RBSN: variants seen among roughly 807,000 people sequenced by gnomAD.
RBSN encodes the protein rabenosyn, RAB effector, also known as rabenosyn-5.
In RBSN, 34 loss-of-function variants were observed where a neutral mutation model predicts 60.5. That is an observed-to-expected ratio of 0.56 (90% confidence interval 0.43 to 0.75). The LOEUF is 0.75. Ranked by LOEUF, RBSN falls within the 30% of genes least tolerant of loss-of-function variation. RBSN has a pLI of 0.00. For synonymous variants in RBSN, 322 were observed against 366.9 expected (o/e 0.88, Z 1.40); for missense variants, 845 against 986.8 (o/e 0.86, Z 1.92).
At chr3:15,094,976 A>C (rs2043612605) in intron 4 of RBSN, among the ~76,000 whole-genome samples, 1 of 152,168 alleles carries the variant, frequency 6.6e-6, no homozygotes, top group Admixed American at 6.6e-5. Flanking sequence ...TTAGCTGAAT[A>C]ACTACAAAAT....
At chr3:15,088,316 A>G (rs1162493208) in intron 5 of RBSN, among the ~76,000 whole-genome samples, 1 of 152,042 alleles carries the variant, frequency 6.6e-6, no homozygotes, top group Admixed American at 6.6e-5. Flanking sequence ...TGTGTCCAAA[A>G]TTTCTCCTTC....
chr3:15,095,718 G>A, intron 4 of RBSN: 1 of 559,140 alleles, frequency 1.8e-6, no homozygotes, highest in East Asian at 3.0e-5. Context: ...GTTTCTCTGA[G>A]TGGCTTCAGA....
intron 12 of RBSN, 118 bp from the exon 13 acceptor site, chr3:15,075,828 T>G (rs992847835): frequency 1.2e-5 from 9 of 770,672 alleles, no homozygotes. Context: ...AGTGACATCA[T>G]TTGACAGCAG....
chr3:15,089,479 A>AAAAC (rs761290712), intron 5 of RBSN, among the ~76,000 whole-genome samples: 22,777 of 103,756 alleles, frequency 0.22, 1,930 homozygotes, highest in African/African-American at 0.3. Flanking sequence ...AAAAAAAAAC[A>AAAAC]AAAAAAAAAA....
chr3:15,080,643 A>C, intron 10 of RBSN, 89 bp downstream of exon 10: 1 of 1,335,472 alleles, frequency 7.5e-7, no homozygotes, highest in Non-Finnish European at 1.1e-6. Context: ...GTTGAAGTTA[A>C]GATTTTCATT....
chr3:15,097,039 T>G (rs1352928949), intron 2 of RBSN, among the ~76,000 whole-genome samples: 1 of 152,056 alleles, frequency 6.6e-6, no homozygotes, highest in Non-Finnish European at 1.5e-5. Context: ...TTTAAATTAT[T>G]TATAGAGACA....
At chr3:15,076,315 T>C (rs1300111794) in intron 12 of RBSN, among the ~76,000 whole-genome samples, 1 of 152,146 alleles carries the variant, frequency 6.6e-6, no homozygotes, top group African/African-American at 2.4e-5. Flanking sequence ...TAGATCTCTT[T>C]GTTGGCTGGG....
intron 10 of RBSN, among the ~76,000 whole-genome samples, chr3:15,079,474 A>C (rs2043147798): frequency 2.0e-5 from 3 of 152,238 alleles, no homozygotes; most frequent in Admixed American, 6.5e-5. Context: ...TACACAAAAA[A>C]CATAAAAACT....
At position 15,071,110 on chromosome 3, in the gene RBSN, C is replaced by G. The variant is rs2042917823; in HGVS notation, c.*2672G>C. On this transcript the variant is annotated 3_prime_UTR_variant, in exon 14 of 14. Coordinates refer to ENST00000253699, the MANE Select transcript of RBSN (RefSeq NM_022340.4). ...AAGTGCTGGGATTACAGGAGTGAGC[C>G]ACTGCACCCGGCCAGGCCTTTAAAA... 1 of 152,192 alleles carries G rather than the reference C, an allele frequency of 6.6e-6. No homozygotes were observed. 9.4% of individuals were successfully genotyped at this position (152,192 alleles called of 1,614,324 possible).
chr3:15,081,064 A>T, intron 9 of RBSN: 1 of 416,734 alleles, frequency 2.4e-6, no homozygotes, highest in Non-Finnish European at 4.4e-6. Context: ...CCCAAGGTGG[A>T]GTACAATGGC....
At chr3:15,086,276 A>T (rs536446530) in intron 5 of RBSN, among the ~76,000 whole-genome samples, 32 of 152,222 alleles carry the variant, frequency 2.1e-4, no homozygotes, top group African/African-American at 7.2e-4. Context: ...AGAAAAAAAA[A>T]TATATTTCAA....
At position 15,096,701 on chromosome 3, in the gene RBSN, T is replaced by G. The variant is rs2043668022; in HGVS notation, c.-335A>C. On this transcript the variant is annotated 5_prime_UTR_variant, in exon 3 of 14. Transcript: ENST00000253699. ...CCACATATAGTAAGTTCTTGATACTTGTAAGACACCTGTGTTAGAAATGCA... is the reference window on the plus strand; with the variant it reads ...CCACATATAGTAAGTTCTTGATACTGGTAAGACACCTGTGTTAGAAATGCA... 6.6e-6 allele frequency: 1 copy of G among 152,228 alleles called. No individual in the cohort carries two copies. Among genetic ancestry groups the G allele is most frequent in the Admixed American group, 6.5e-5 (1 of 15,278 alleles). 9.4% of individuals were successfully genotyped at this position (152,228 alleles called of 1,614,324 possible). A position where few individuals can be genotyped will look rare whatever the true frequency, so the allele number is the denominator to read the frequency against.
chr3:15,085,238 G>A (rs951990292), intron 6 of RBSN, among the ~76,000 whole-genome samples, 193 bp from the exon 7 acceptor site: 1 of 152,072 alleles, frequency 6.6e-6, no homozygotes, highest in African/African-American at 2.4e-5. Flanking sequence ...AACCCACCTC[G>A]CTTCCTATAA....
chr3:15,099,027 G>A lies in RBSN; in HGVS notation c.-501+8C>T, dbSNP rs2043750578. On this transcript the variant is annotated splice_region_variant and intron_variant, in intron 1 of 13. Coordinates refer to ENST00000253699, the MANE Select transcript of RBSN (RefSeq NM_022340.4). ...CCCCCCAGACTGGGCCTGACCCTCT[G>A]TATGTACCCTGCCGGGCTCCTGCGG... 1 of 152,450 alleles carries A rather than the reference G, an allele frequency of 6.6e-6. No individual in the cohort carries two copies. Among genetic ancestry groups the A allele is most frequent in the African/African-American group, 2.4e-5 (1 of 41,456 alleles). 9.4% of individuals were successfully genotyped at this position (152,450 alleles called of 1,614,324 possible). A position where few individuals can be genotyped will look rare whatever the true frequency, so the allele number is the denominator to read the frequency against.
intron 4 of RBSN, 120 bp from the exon 5 acceptor site, chr3:15,090,659 A>C: frequency 1.5e-6 from 2 of 1,375,408 alleles, no homozygotes; most frequent in Non-Finnish European, 9.7e-7. Context: ...AATGCACCAG[A>C]AATATTTAGA....
At position 15,084,764 on chromosome 3, in the gene RBSN, C is replaced by T. The variant is rs767223493; in HGVS notation, c.569G>A (p.Cys190Tyr). 4 of 1,611,824 alleles carry T rather than the reference C, an allele frequency of 2.5e-6. No homozygotes were observed. Among genetic ancestry groups the T allele is most frequent in the Non-Finnish European group, 3.4e-6 (4 of 1,179,186 alleles). Reference protein sequence around the residue: ...RLCGSIMCKKCMELISLPLAN... With the variant: ...RLCGSIMCKKYMELISLPLAN... ...CAAGGGAAGGCTGATGAGCTCCATA[C>T]ACTTCTTGCACATAATAGACCCGCA... Residue 190 changes from cysteine to tyrosine, a missense_variant, in exon 8 of 14, where the codon TGT becomes TAT. By Grantham distance (194) the Cys-to-Tyr change is radical. Transcript: ENST00000253699. The surrounding 1 kb of genome is among the most constrained non-coding windows in gnomAD (Gnocchi z 4.2).
At chr3:15,087,103 C>T (rs999479261) in intron 5 of RBSN, among the ~76,000 whole-genome samples, 3 of 152,238 alleles carry the variant, frequency 2.0e-5, no homozygotes, top group Non-Finnish European at 4.4e-5. Context: ...TATTTATACA[C>T]TGGGAAATGG....
chr3:15,090,620 G>A (rs1364596313), intron 4 of RBSN, 81 bp from the exon 5 acceptor site: 12 of 1,535,402 alleles, frequency 7.8e-6, no homozygotes, highest in Non-Finnish European at 9.6e-6. Context: ...AAAAACAAGA[G>A]TTGACGAAAT....
chr3:15,077,199 C>T lies in RBSN; in HGVS notation c.999-35G>A. 1.3e-6 allele frequency: 2 copies of T among 1,555,684 alleles called. No individual in the cohort carries two copies. Among genetic ancestry groups the T allele is most frequent in the Non-Finnish European group, 1.8e-6 (2 of 1,127,056 alleles). Reference sequence around the variant, plus strand: ...AACAAACACATGAATATAATGAGCACTGCCAGCTTCAGAAACAAGGGTGAA... The same window carrying T: ...AACAAACACATGAATATAATGAGCATTGCCAGCTTCAGAAACAAGGGTGAA... On this transcript the variant is annotated intron_variant, in intron 11 of 13. Transcript: ENST00000253699. The surrounding 1 kb of genome is among the most constrained non-coding windows in gnomAD (Gnocchi z 4.4).
Sources: allele counts gnomAD v4.1 joint callset (sites outside exome capture counted in the v4.1 genomes callset), GRCh38; gene constraint gnomAD v4.1.1; non-coding constraint Gnocchi (gnomAD v3.1); transcripts MANE v1.5; gene names NCBI Gene and HGNC (gene_info 2026-07-23, HGNC 2026-07-21).